The following PRR16 variants were observed in gnomAD, a reference collection of about 807,000 sequenced individuals.
The protein encoded by PRR16 is protein Largen.
In PRR16, 6 loss-of-function variants were observed where a neutral mutation model predicts 18.2. The observed-to-expected ratio is 0.33, with a 90% CI of 0.18 to 0.65. The LOEUF (loss-of-function observed/expected upper bound fraction) is 0.65. Among genes scored for constraint, PRR16 ranks in the 30% least tolerant of loss-of-function variants. The pLI is 0.74. For missense variants in PRR16, 412 were observed against 376.6 expected (o/e 1.09, Z -0.78); for synonymous variants, 151 against 147.8 (o/e 1.02, Z -0.16).
intron 1 of PRR16, among the ~76,000 whole-genome samples, chr5:120,553,714 G>A (rs554524483): frequency 2.0e-5 from 3 of 151,868 alleles, no homozygotes; most frequent in African/African-American, 7.2e-5. Flanking sequence ...CCGCAATTCT[G>A]ATTGTGTGTT....
chr5:120,538,285 T>A (rs1035862589), intron 1 of PRR16, among the ~76,000 whole-genome samples: 3 of 152,232 alleles, frequency 2.0e-5, no homozygotes, highest in African/African-American at 7.2e-5. Flanking sequence ...TTTAGTTTAA[T>A]TGATAAGCAT....
intron 1 of PRR16, among the ~76,000 whole-genome samples, chr5:120,628,791 T>TAGA (rs1057020809): frequency 3.3e-5 from 5 of 151,916 alleles, no homozygotes; most frequent in Admixed American, 3.3e-4. Context: ...CATCTTAAGG[T>TAGA]AGAAGCCTAT....
chr5:120,728,535 A>T, the PRR16 span, among the ~76,000 whole-genome samples: 4 of 152,102 alleles, frequency 2.6e-5, no homozygotes, highest in African/African-American at 9.7e-5. Context: ...CCCATATGGT[A>T]TCCTTATTTT....
the PRR16 span, among the ~76,000 whole-genome samples, chr5:120,737,740 T>G: frequency 6.6e-6 from 1 of 151,948 alleles, no homozygotes; most frequent in South Asian, 2.1e-4. Flanking sequence ...CGGGATTATT[T>G]TGTTTGTTTT....
In PRR16 at chr5:120,663,938, A is replaced by T. The variant is rs79716292; in HGVS notation, c.160-22016A>T. ...TGATAATAAATATTGAAGTTGTGGA[A>T]TTAATTTACTTAAAAAATCAACTAT... On this transcript the variant is annotated intron_variant, in intron 1 of 1. Transcript: ENST00000407149. Among the ~76,000 whole-genome samples, 233 of 151,546 alleles carry T rather than the reference A, an allele frequency of 1.5e-3. 1 individual carries two copies. Among genetic ancestry groups the T allele is most frequent in the Non-Finnish European group, 2.9e-3 (193 of 67,624 alleles).
At chr5:120,785,575 G>GTTGTTTTTTTTTTTTTT in the PRR16 span, among the ~76,000 whole-genome samples, 125 of 115,394 alleles carry the variant, frequency 1.1e-3, 3 homozygotes, top group African/African-American at 3.1e-3. Context: ...TGTTGTTGTT[G>GTTGTTTTTTTTTTTTTT]TTTTTTTTTT....
At chr5:120,636,535 G>A (rs1755233995) in intron 1 of PRR16, among the ~76,000 whole-genome samples, 1 of 152,094 alleles carries the variant, frequency 6.6e-6, no homozygotes, top group African/African-American at 2.4e-5. Flanking sequence ...AGTGCGGAAA[G>A]GACACAATAT....
chr5:120,596,140 CT>C (rs70985229), intron 1 of PRR16, among the ~76,000 whole-genome samples: 11,342 of 145,444 alleles, frequency 0.078, 1,164 homozygotes, highest in African/African-American at 0.24. Flanking sequence ...TATCTCTTGT[CT>C]TTTTTTTTTT....
chr5:120,772,570 C>T, the PRR16 span, among the ~76,000 whole-genome samples: 3 of 143,982 alleles, frequency 2.1e-5, no homozygotes, highest in Admixed American at 7.0e-5. Context: ...ATTTTAAAAG[C>T]TACTAACTTC....
At chr5:120,626,247 A>G (rs1307419272) in intron 1 of PRR16, among the ~76,000 whole-genome samples, 1 of 152,162 alleles carries the variant, frequency 6.6e-6, no homozygotes, top group Non-Finnish European at 1.5e-5. Flanking sequence ...AAAATATGAT[A>G]TACCTATACA....
chr5:120,755,999 T>C, the PRR16 span, among the ~76,000 whole-genome samples: 1 of 152,102 alleles, frequency 6.6e-6, no homozygotes, highest in African/African-American at 2.4e-5. Flanking sequence ...TTACACCCTA[T>C]GTAAATGAAG....
chr5:120,570,225 C>T (rs529078272), intron 1 of PRR16, among the ~76,000 whole-genome samples: 24 of 152,232 alleles, frequency 1.6e-4, no homozygotes, highest in Non-Finnish European at 3.1e-4. Context: ...TATCCCTGAA[C>T]CAGTGATACC....
intron 1 of PRR16, among the ~76,000 whole-genome samples, chr5:120,507,313 C>A (rs1393642858): frequency 6.6e-6 from 1 of 151,984 alleles, no homozygotes. Flanking sequence ...CAGACATGAA[C>A]AACTTATTTC....
chr5:120,639,937 C>T (rs1457514171), intron 1 of PRR16, among the ~76,000 whole-genome samples: 3 of 152,106 alleles, frequency 2.0e-5, no homozygotes, highest in East Asian at 1.9e-4. Flanking sequence ...GGTCCCTATA[C>T]ACCATGGAAT....
At chr5:120,767,332 G>A in the PRR16 span, among the ~76,000 whole-genome samples, 2 of 151,834 alleles carry the variant, frequency 1.3e-5, no homozygotes, top group South Asian at 4.1e-4. Context: ...AATATGTTTT[G>A]TCATGCCCAA....
chr5:120,485,970 G>A (rs1318964206), intron 1 of PRR16, among the ~76,000 whole-genome samples: 1 of 152,124 alleles, frequency 6.6e-6, no homozygotes, highest in African/African-American at 2.4e-5. Flanking sequence ...CCCTACAAAG[G>A]ACATGAACTC....
the PRR16 span, among the ~76,000 whole-genome samples, chr5:120,747,516 A>AG: frequency 6.3e-4 from 96 of 152,270 alleles, no homozygotes; most frequent in African/African-American, 2.2e-3. Flanking sequence ...ATGATTCTCA[A>AG]GGTGTTGTAA....
At chr5:120,761,952 A>G in the PRR16 span, among the ~76,000 whole-genome samples, 1 of 152,112 alleles carries the variant, frequency 6.6e-6, no homozygotes, top group Non-Finnish European at 1.5e-5. Context: ...TACCTCCCAT[A>G]TATGAGCGAA....
At chr5:120,681,379 T>C (rs1756968846) in intron 1 of PRR16, among the ~76,000 whole-genome samples, 1 of 152,182 alleles carries the variant, frequency 6.6e-6, no homozygotes, top group Non-Finnish European at 1.5e-5. Context: ...ATCAGATAGA[T>C]AATAATTTTC....
Sources: gnomAD v4.1 joint callset for allele counts (sites outside exome capture counted in the v4.1 genomes callset) on GRCh38, gnomAD v4.1.1 for gene constraint, MANE v1.5 for transcripts, NCBI Gene and HGNC (gene_info 2026-07-23, HGNC 2026-07-21) for gene names.